The following ARMC2 variants were observed in gnomAD, a reference collection of about 807,000 sequenced individuals.
The protein encoded by ARMC2 is armadillo repeat-containing protein 2.
ARMC2 carries 67 observed loss-of-function variants against 90.3 expected under a neutral mutation model. That is an observed-to-expected ratio of 0.74 (90% CI 0.61 to 0.91). The LOEUF (loss-of-function observed/expected upper bound fraction) is 0.91, where lower values mean the gene tolerates loss of function less well. Ranked by LOEUF, ARMC2 falls within the 40% of genes least tolerant of loss-of-function variation. The probability of loss-of-function intolerance (pLI) is 0.00; values close to 1 mark genes in which losing one functional copy is unlikely to be tolerated. For missense variants in ARMC2, 920 were observed against 1,030.9 expected (o/e 0.89, Z 1.47); for synonymous variants, 393 against 393.0 (o/e 1.00, Z 0.00).
chr6:108,916,646 A>G (rs1773999198), intron 10 of ARMC2, among the ~76,000 whole-genome samples: 1 of 152,218 alleles, frequency 6.6e-6, no homozygotes, highest in Non-Finnish European at 1.5e-5. Context: ...AGGCCCCTAA[A>G]TGCCAGTAGT....
At chr6:109,031,572 C>T in the ARMC2 span, among the ~76,000 whole-genome samples, 4 of 152,156 alleles carry the variant, frequency 2.6e-5, no homozygotes, top group African/African-American at 7.2e-5. Context: ...CCTTCCCTGA[C>T]CCCTCCTGGT....
chr6:108,873,610 C>G (rs1015210140), intron 4 of ARMC2, among the ~76,000 whole-genome samples: 4 of 152,238 alleles, frequency 2.6e-5, no homozygotes, highest in African/African-American at 9.6e-5. Flanking sequence ...TTCAAGATAG[C>G]CACAGCAGAG....
At chr6:108,994,363 A>C in the ARMC2 span, 2 of 948,144 alleles carry the variant, frequency 2.1e-6, no homozygotes, top group African/African-American at 3.3e-5. Flanking sequence ...TCTAAAAGGA[A>C]GGACATATTT....
chr6:109,009,229 G>A, the ARMC2 span: 1 of 913,644 alleles, frequency 1.1e-6, no homozygotes, highest in Non-Finnish European at 1.5e-6. Context: ...CCTATCTGGG[G>A]AGCGTTTTCG....
chr6:109,018,138 A>G, the ARMC2 span, among the ~76,000 whole-genome samples: 1 of 152,226 alleles, frequency 6.6e-6, no homozygotes, highest in Admixed American at 6.5e-5. Context: ...AGTGGTTTTC[A>G]AATTATATTT....
the ARMC2 span, among the ~76,000 whole-genome samples, chr6:108,991,082 C>CAAAA: frequency 2.5e-3 from 375 of 149,804 alleles, 2 homozygotes; most frequent in African/African-American, 8.8e-3. Context: ...AAAACAACAA[C>CAAAA]AAAAAAAAAC....
chr6:108,893,108 T>TAAAG (rs888151420), intron 5 of ARMC2, among the ~76,000 whole-genome samples: 51 of 152,250 alleles, frequency 3.3e-4, no homozygotes, highest in Admixed American at 2.8e-3. Context: ...CAGCTCTGGC[T>TAAAG]AAAGAGAAGC....
intron 10 of ARMC2, among the ~76,000 whole-genome samples, chr6:108,918,437 C>T (rs576293924): frequency 5.3e-5 from 8 of 151,898 alleles, no homozygotes; most frequent in South Asian, 2.1e-4. Flanking sequence ...TTACATAGTT[C>T]TTTAGCTCTG....
intron 4 of ARMC2, among the ~76,000 whole-genome samples, chr6:108,872,645 C>T (rs1776541494): frequency 6.6e-6 from 1 of 152,158 alleles, no homozygotes; most frequent in Non-Finnish European, 1.5e-5. Context: ...AGCCTTATCC[C>T]TTTATCCCAG....
At chr6:108,990,867 A>G in the ARMC2 span, 1 of 1,583,330 alleles carries the variant, frequency 6.3e-7, no homozygotes, top group South Asian at 1.1e-5. Flanking sequence ...AATGTGAATA[A>G]ATGTGGTCAA....
intron 13 of ARMC2, among the ~76,000 whole-genome samples, chr6:108,958,547 C>A (rs185301493): frequency 3.7e-4 from 57 of 152,286 alleles, no homozygotes; most frequent in African/African-American, 1.3e-3. Context: ...AGCTACCCTG[C>A]ATTTTCTGGA....
rs185567505 is a variant in ARMC2 at position 108,929,862 on chromosome 6, C to A, written c.1496+1629C>A. 5.9e-5 allele frequency among the ~76,000 whole-genome samples: 9 copies of A among 152,258 alleles called. No homozygotes were observed. In the East Asian group the frequency reaches 1.7e-3, roughly 30 times the overall value. On this transcript the variant is annotated intron_variant, in intron 11 of 17. Transcript: ENST00000392644. ...GTGGCTCACACCTGTAATCCCAGAA[C>A]TTTGGGAGGCCAAGGTGGGTGGATC...
At chr6:109,011,001 T>TAG in the ARMC2 span, among the ~76,000 whole-genome samples, 1 of 152,230 alleles carries the variant, frequency 6.6e-6, no homozygotes, top group Non-Finnish European at 1.5e-5. Flanking sequence ...GCTAGTTAGG[T>TAG]AGAAGTATGT....
intron 8 of ARMC2, chr6:108,907,796 A>G: frequency 6.2e-7 from 1 of 1,610,120 alleles, no homozygotes; most frequent in Non-Finnish European, 8.5e-7. Context: ...GAAGTCCCCC[A>G]TCAAGATCCA....
chr6:109,003,715 TA>T, the ARMC2 span, among the ~76,000 whole-genome samples: 890 of 152,332 alleles, frequency 5.8e-3, 8 homozygotes, highest in African/African-American at 0.02. Flanking sequence ...GTCTCAATTT[TA>T]ACATCCTGTA....
At chr6:108,893,673 G>A (rs966431252) in intron 5 of ARMC2, among the ~76,000 whole-genome samples, 4 of 152,218 alleles carry the variant, frequency 2.6e-5, no homozygotes, top group Non-Finnish European at 4.4e-5. Flanking sequence ...AGGCAAATAT[G>A]ACTTGTTTTA....
At chr6:108,955,621 C>G (rs539740821) in intron 13 of ARMC2, among the ~76,000 whole-genome samples, 1 of 152,276 alleles carries the variant, frequency 6.6e-6, no homozygotes, top group Non-Finnish European at 1.5e-5. Context: ...TGATTGGGAT[C>G]TGCACCATGA....
chr6:109,037,516 C>G, the ARMC2 span, among the ~76,000 whole-genome samples: 1 of 151,938 alleles, frequency 6.6e-6, no homozygotes, highest in South Asian at 2.1e-4. Flanking sequence ...AGCATCTAGT[C>G]CAATGTGATG....
chr6:109,002,943 T>A, the ARMC2 span, among the ~76,000 whole-genome samples: 290 of 152,276 alleles, frequency 1.9e-3, no homozygotes, highest in African/African-American at 6.5e-3. Flanking sequence ...AGTTTTTTTT[T>A]ATTTACAGGA....
Sources: gnomAD v4.1 joint callset for allele counts (sites outside exome capture counted in the v4.1 genomes callset) on GRCh38, gnomAD v4.1.1 for gene constraint, MANE v1.5 for transcripts, NCBI Gene and HGNC (gene_info 2026-07-23, HGNC 2026-07-21) for gene names.